The following RNF220 variants were observed in gnomAD, a reference collection of about 807,000 sequenced individuals.
RNF220 encodes E3 ubiquitin-protein ligase RNF220.
Under a neutral mutation model 67.1 loss-of-function variants are expected in RNF220, and 7 were observed. The ratio of observed to expected loss-of-function variants is 0.10; its 90% confidence interval spans 0.06 to 0.20. RNF220 has a LOEUF of 0.20. Among genes scored for constraint, RNF220 ranks in the 10% least tolerant of loss-of-function variants. The pLI, the probability that RNF220 is intolerant of heterozygous loss-of-function variation, is 1.00. For missense variants in RNF220, 565 were observed against 740.3 expected (o/e 0.76, Z 2.75); for synonymous variants, 270 against 283.2 (o/e 0.95, Z 0.47).
intron 2 of RNF220, among the ~76,000 whole-genome samples, chr1:44,438,125 G>GT (rs1239109581): frequency 4.6e-5 from 7 of 151,844 alleles, no homozygotes; most frequent in Non-Finnish European, 1.0e-4. Flanking sequence ...ACTTTAGTTT[G>GT]TTTTTTTGTT....
At chr1:44,421,899 G>A (rs1649263595) in intron 2 of RNF220, among the ~76,000 whole-genome samples, 1 of 152,102 alleles carries the variant, frequency 6.6e-6, no homozygotes, top group Non-Finnish European at 1.5e-5. Context: ...CATATTTGAA[G>A]AGCCTCATGC....
intron 1 of RNF220, among the ~76,000 whole-genome samples, chr1:44,407,949 G>A (rs924023427): frequency 2.6e-5 from 4 of 152,208 alleles, no homozygotes; most frequent in African/African-American, 4.8e-5. Context: ...CGGACCAGGG[G>A]CCCTTGCACG....
chr1:44,452,478 C>G (rs1315101615), intron 2 of RNF220, among the ~76,000 whole-genome samples: 1 of 152,062 alleles, frequency 6.6e-6, no homozygotes, highest in East Asian at 1.9e-4. Context: ...TGCTTGAACC[C>G]GGTAGGCAGA....
At chr1:44,447,717 C>G (rs1208650583) in intron 2 of RNF220, among the ~76,000 whole-genome samples, 4 of 152,178 alleles carry the variant, frequency 2.6e-5, no homozygotes, top group Non-Finnish European at 5.9e-5. Context: ...AAGTATTATT[C>G]ACCCTTTAAA....
At chr1:44,532,148 A>G (rs1005549489) in intron 2 of RNF220, among the ~76,000 whole-genome samples, 1 of 152,148 alleles carries the variant, frequency 6.6e-6, no homozygotes, top group East Asian at 1.9e-4. Context: ...ACATACATTT[A>G]TTATTATTTT....
At chr1:44,602,812 A>ATTTAGCAC (rs1667015797) in intron 2 of RNF220, among the ~76,000 whole-genome samples, 3 of 151,996 alleles carry the variant, frequency 2.0e-5, no homozygotes, top group African/African-American at 7.3e-5. Context: ...TTCTCAGGTC[A>ATTTAGCAC]CTGCTTGGCT....
intron 2 of RNF220, among the ~76,000 whole-genome samples, chr1:44,516,948 C>A (rs1428045563): frequency 6.6e-6 from 1 of 152,118 alleles, no homozygotes; most frequent in Non-Finnish European, 1.5e-5. Context: ...ATTTTTCCCA[C>A]CAAAACTGTT....
At chr1:44,539,220 CTAAA>C (rs529760692) in intron 2 of RNF220, among the ~76,000 whole-genome samples, 20 of 152,038 alleles carry the variant, frequency 1.3e-4, no homozygotes, top group African/African-American at 3.9e-4. Context: ...GACTCCATCT[CTAAA>C]TAAATAAATA....
intron 2 of RNF220, among the ~76,000 whole-genome samples, chr1:44,447,577 C>T (rs1652234801): frequency 1.3e-5 from 2 of 152,156 alleles, no homozygotes; most frequent in African/African-American, 4.8e-5. Context: ...ACAGGTGTGT[C>T]CCTGGTATGG....
At chr1:44,628,320 C>A (rs890772709) in intron 5 of RNF220, among the ~76,000 whole-genome samples, 1 of 152,230 alleles carries the variant, frequency 6.6e-6, no homozygotes, top group African/African-American at 2.4e-5. Context: ...GTCAGTATTT[C>A]TTTTATCTCC....
At chr1:44,475,740 G>A (rs183300279) in intron 2 of RNF220, among the ~76,000 whole-genome samples, 221 of 150,636 alleles carry the variant, frequency 1.5e-3, no homozygotes, top group Middle Eastern at 6.8e-3. Context: ...GAGGCTGGGC[G>A]CAGTGGCTCA....
At chr1:44,533,211 C>T (rs1660956360) in intron 2 of RNF220, among the ~76,000 whole-genome samples, 1 of 152,336 alleles carries the variant, frequency 6.6e-6, no homozygotes, top group Admixed American at 6.5e-5. Flanking sequence ...TAAGTCCAGG[C>T]TGGGCATGGT....
In RNF220 at chr1:44,412,008, A is replaced by G; in HGVS notation, c.-90A>G. ...CTTAGGAGGGAATGATTCCCCAGTAATATTCCCTGCCCTGACCCAAAGTGC... is the reference window on the plus strand; with the variant it reads ...CTTAGGAGGGAATGATTCCCCAGTAGTATTCCCTGCCCTGACCCAAAGTGC... On this transcript the variant is annotated 5_prime_UTR_variant, in exon 2 of 15. The change abolishes the stop of an existing upstream ORF in the 5' untranslated region. Transcript: ENST00000361799. This position sits in a 1 kb window ranked among gnomAD's most constrained non-coding sequence, Gnocchi z 5.3. The G allele has an allele frequency of 7.1e-7, 1 of 1,412,006 alleles. No individual in the cohort carries two copies. The highest frequency in any genetic ancestry group is 1.4e-5 in the South Asian group (1 of 72,542). 87.5% of individuals were successfully genotyped at this position (1,412,006 alleles called of 1,614,324 possible).
chr1:44,467,557 T>C (rs763615828), intron 2 of RNF220, among the ~76,000 whole-genome samples: 3 of 152,218 alleles, frequency 2.0e-5, no homozygotes, highest in Non-Finnish European at 4.4e-5. Flanking sequence ...TCGGCCTTCA[T>C]AGAACTGAAG....
At chr1:44,598,719 T>G (rs1384656863) in intron 2 of RNF220, among the ~76,000 whole-genome samples, 1 of 152,158 alleles carries the variant, frequency 6.6e-6, no homozygotes, top group Non-Finnish European at 1.5e-5. Flanking sequence ...GCTGTCTGGT[T>G]ATGTTCACAT....
chr1:44,473,611 C>G (rs1215342435), intron 2 of RNF220, among the ~76,000 whole-genome samples: 1 of 152,116 alleles, frequency 6.6e-6, no homozygotes, highest in Non-Finnish European at 1.5e-5. Flanking sequence ...TTCCTCTGTT[C>G]CTTTCTGGCC....
chr1:44,425,747 T>C (rs935391956), intron 2 of RNF220, among the ~76,000 whole-genome samples: 2 of 152,210 alleles, frequency 1.3e-5, no homozygotes, highest in Admixed American at 1.3e-4. Context: ...AATCCAGATG[T>C]GTTTTGTAAT....
chr1:44,552,563 C>T (rs150424526), intron 2 of RNF220, among the ~76,000 whole-genome samples: 20 of 71,360 alleles, frequency 2.8e-4, no homozygotes, highest in Middle Eastern at 0.017. Flanking sequence ...TTCTAAACTT[C>T]TTCTTTTTTT....
Position 44,645,087 on chromosome 1 carries a change from T to G in RNF220, c.1310+6T>G, listed in dbSNP as rs1270027337. Reference sequence around the variant, plus strand: ...CTTCGGGGCGCAGTCCTAAAGCAAGTGTGGGCACAGGCTTGGGCGGGTGGA... The same window carrying G: ...CTTCGGGGCGCAGTCCTAAAGCAAGGGTGGGCACAGGCTTGGGCGGGTGGA... On this transcript the variant is annotated splice_donor_region_variant and intron_variant, in intron 10 of 14. Coordinates refer to ENST00000361799, the MANE Select transcript of RNF220 (RefSeq NM_018150.4). This position sits in a 1 kb window ranked among gnomAD's most constrained non-coding sequence, Gnocchi z 5.0. 1 of 1,614,044 alleles carries G rather than the reference T, an allele frequency of 6.2e-7. No homozygotes were observed. Among genetic ancestry groups the G allele is most frequent in the South Asian group, 1.1e-5 (1 of 91,074 alleles).
Sources: allele counts gnomAD v4.1 joint callset (sites outside exome capture counted in the v4.1 genomes callset), GRCh38; gene constraint gnomAD v4.1.1; non-coding constraint Gnocchi (gnomAD v3.1); transcripts MANE v1.5; gene names NCBI Gene and HGNC (gene_info 2026-07-23, HGNC 2026-07-21).